GPR89B: variants seen among roughly 807,000 people sequenced by gnomAD.
GPR89B encodes G protein-coupled receptor 89B.
A neutral mutation model predicts 52.4 loss-of-function variants in GPR89B; 25 were observed. That is an observed-to-expected ratio of 0.48 (90% CI 0.35 to 0.67). The LOEUF is 0.67. GPR89B is among the 30% of genes least tolerant of loss of function. GPR89B has a pLI of 0.01. For synonymous variants in GPR89B, 52 were observed against 151.2 expected (o/e 0.34, Z 4.81); for missense variants, 146 against 450.2 (o/e 0.32, Z 6.11).
chr1:147,968,655 ATTGT>A (rs1483574536), intron 8 of GPR89B: 39 of 622,926 alleles, frequency 6.3e-5, no homozygotes, highest in Non-Finnish European at 1.0e-4. Flanking sequence ...CTGAGTGGTA[ATTGT>A]TTGGTGGCGA....
intron 5 of GPR89B, among the ~76,000 whole-genome samples, chr1:147,950,689 G>C (rs1469644870): frequency 6.6e-6 from 1 of 152,294 alleles, no homozygotes; most frequent in East Asian, 1.9e-4. Flanking sequence ...CCGGCACCTC[G>C]GGAGGCCGAG....
intron 3 of GPR89B, among the ~76,000 whole-genome samples, chr1:147,941,648 A>T (rs1398588451): frequency 6.7e-6 from 1 of 149,996 alleles, no homozygotes; most frequent in Non-Finnish European, 1.5e-5. Context: ...TTTCATTGTA[A>T]TCTTGTTAAT....
At chr1:148,008,109 A>G in the GPR89B span, among the ~76,000 whole-genome samples, 1 of 152,004 alleles carries the variant, frequency 6.6e-6, no homozygotes, top group Non-Finnish European at 1.5e-5. Context: ...TTGTATGTCA[A>G]CCTAGGCAAG....
chr1:147,982,030 T>C (rs1486881314), intron 10 of GPR89B, among the ~76,000 whole-genome samples: 1 of 151,800 alleles, frequency 6.6e-6, no homozygotes, highest in Non-Finnish European at 1.5e-5. Context: ...CTGTGTCATA[T>C]GCTAAGTATA....
chr1:147,986,048 T>C (rs1341083583), intron 10 of GPR89B, 151 bp from the exon 11 acceptor site: 14 of 1,514,368 alleles, frequency 9.2e-6, no homozygotes, highest in Admixed American at 1.9e-5. Context: ...ATAGATTTCC[T>C]ATATATGATT....
intron 5 of GPR89B, among the ~76,000 whole-genome samples, chr1:147,951,118 C>A (rs1235309718): frequency 6.6e-6 from 1 of 151,766 alleles, no homozygotes; most frequent in Non-Finnish European, 1.5e-5. Context: ...AAAGCCCAGA[C>A]TCTGGAGCTA....
chr1:147,979,657 TA>T (rs1180097470), intron 10 of GPR89B, among the ~76,000 whole-genome samples: 1 of 151,964 alleles, frequency 6.6e-6, no homozygotes, highest in Non-Finnish European at 1.5e-5. Flanking sequence ...TTTTCTTTTT[TA>T]GTCTGCTATA....
the GPR89B span, among the ~76,000 whole-genome samples, chr1:148,025,565 G>C: frequency 1.4e-5 from 2 of 139,310 alleles, no homozygotes; most frequent in Non-Finnish European, 3.0e-5. Flanking sequence ...TCTTAGGCTC[G>C]TCCCTATTGC....
chr1:148,020,644 T>C, the GPR89B span, among the ~76,000 whole-genome samples: 4 of 151,846 alleles, frequency 2.6e-5, no homozygotes, highest in African/African-American at 9.7e-5. Context: ...GTATAGTCCT[T>C]GGGTTCTTTC....
At chr1:148,015,311 C>G in the GPR89B span, among the ~76,000 whole-genome samples, 8 of 132,762 alleles carry the variant, frequency 6.0e-5, no homozygotes, top group Non-Finnish European at 1.1e-4. Context: ...CTCTCTCTCT[C>G]TCTCTCTCTC....
chr1:148,025,438 G>A, the GPR89B span, among the ~76,000 whole-genome samples: 3 of 137,544 alleles, frequency 2.2e-5, no homozygotes, highest in East Asian at 2.4e-4. Flanking sequence ...CAGGAGTATC[G>A]TTTGAACCCG....
At chr1:147,935,926 A>G (rs1193026937) in intron 1 of GPR89B, among the ~76,000 whole-genome samples, 2 of 152,106 alleles carry the variant, frequency 1.3e-5, no homozygotes, top group Non-Finnish European at 2.9e-5. Flanking sequence ...TGTTTTTTGT[A>G]GAGACGGGTT....
the GPR89B span, among the ~76,000 whole-genome samples, chr1:148,015,294 T>TCTCC: frequency 0.17 from 2,513 of 14,546 alleles, 75 homozygotes; most frequent in Middle Eastern, 0.29. Context: ...GATTCTAGGA[T>TCTCC]CTCTCTCTCT....
chr1:147,975,089 A>AT (rs1394876542), intron 10 of GPR89B, among the ~76,000 whole-genome samples: 2 of 147,546 alleles, frequency 1.4e-5, no homozygotes, highest in African/African-American at 5.0e-5. Flanking sequence ...TTTATTGAGG[A>AT]TTTTCACATC....
At chr1:147,949,774 A>T (rs1243002268) in intron 5 of GPR89B, among the ~76,000 whole-genome samples, 5 of 136,264 alleles carry the variant, frequency 3.7e-5, no homozygotes, top group Non-Finnish European at 7.8e-5. Context: ...CACCTCCCGG[A>T]GAGACGGCTG....
the GPR89B span, among the ~76,000 whole-genome samples, chr1:148,001,997 T>A: frequency 5.3e-5 from 8 of 151,174 alleles, no homozygotes; most frequent in Non-Finnish European, 1.0e-4. Context: ...TATACATGCC[T>A]CCAGGTGCCT....
At chr1:147,975,327 A>G (rs1352500095) in intron 10 of GPR89B, among the ~76,000 whole-genome samples, 3 of 141,802 alleles carry the variant, frequency 2.1e-5, no homozygotes, top group East Asian at 2.0e-4. Flanking sequence ...TAGGCTTATT[A>G]CTGCCCCAAA....
the GPR89B span, chr1:148,010,872 C>T: frequency 6.6e-6 from 1 of 152,210 alleles, no homozygotes; most frequent in Non-Finnish European, 1.5e-5. Context: ...GATTTAAATG[C>T]CATTATAAAT....
At chr1:147,995,890 T>C (rs1659304223), downstream of GPR89B, 5 of 1,351,490 alleles carry the variant, frequency 3.7e-6, no homozygotes, top group Admixed American at 8.6e-5. Context: ...TCTGTACCTG[T>C]GAACAGAAGT....
Sources: gnomAD v4.1 joint callset for allele counts (sites outside exome capture counted in the v4.1 genomes callset) on GRCh38, gnomAD v4.1.1 for gene constraint, MANE v1.5 for transcripts, NCBI Gene and HGNC (gene_info 2026-07-23, HGNC 2026-07-21) for gene names.